The following NKAIN2 variants were observed in gnomAD, a reference collection of about 807,000 sequenced individuals.
The protein encoded by NKAIN2 is sodium/potassium-transporting ATPase subunit beta-1-interacting protein 2.
A neutral mutation model predicts 32.6 loss-of-function variants in NKAIN2; 14 were observed. The observed-to-expected ratio is 0.43, with a 90% CI of 0.28 to 0.67. The LOEUF is 0.67. NKAIN2 is among the 30% of genes least tolerant of loss of function. The probability of loss-of-function intolerance (pLI) is 0.17; values close to 1 mark genes in which losing one functional copy is unlikely to be tolerated. For synonymous variants in NKAIN2, 80 were observed against 87.2 expected, an observed-to-expected ratio of 0.92 and a Z score of 0.46; for missense variants, 198 against 258.3, an observed-to-expected ratio of 0.77 and a Z score of 1.60.
rs189406442 is a variant in NKAIN2 at position 124,733,097 on chromosome 6, A to T, written c.475-58242A>T. 2.7e-3 allele frequency among the ~76,000 whole-genome samples: 410 copies of T among 152,118 alleles called. 1 individual carries two copies. The highest frequency in any genetic ancestry group is 4.5e-3 in the Non-Finnish European group (307 of 67,920). ...GACTTTATGATTAAATTTATGCGGT[A>T]TTCTGAACAAACCAAAACTATAGCG... On this transcript the variant is annotated intron_variant, in intron 4 of 6. Transcript: ENST00000368417.
At chr6:124,546,004 G>C (rs1780082357) in intron 3 of NKAIN2, among the ~76,000 whole-genome samples, 1 of 150,990 alleles carries the variant, frequency 6.6e-6, no homozygotes, top group South Asian at 2.1e-4. Context: ...AGCTCTCCTA[G>C]AAAAAAAAAA....
At chr6:123,943,166 C>T (rs978060311) in intron 1 of NKAIN2, among the ~76,000 whole-genome samples, 19 of 151,952 alleles carry the variant, frequency 1.3e-4, no homozygotes, top group Admixed American at 1.3e-4. Flanking sequence ...TAGTTAACAG[C>T]CACTGGGCTT....
chr6:124,472,715 A>C (rs547210592), intron 3 of NKAIN2, among the ~76,000 whole-genome samples: 1 of 60,792 alleles, frequency 1.6e-5, no homozygotes, highest in Admixed American at 1.5e-4. Context: ...GAGAGTAGGC[A>C]GATAAAAAAA....
At chr6:124,070,899 C>T (rs1281716465) in intron 1 of NKAIN2, among the ~76,000 whole-genome samples, 1 of 151,996 alleles carries the variant, frequency 6.6e-6, no homozygotes, top group Non-Finnish European at 1.5e-5. Flanking sequence ...GGCACTGTTA[C>T]AAAAACAGCA....
At chr6:123,990,158 A>C (rs1050962254) in intron 1 of NKAIN2, among the ~76,000 whole-genome samples, 2 of 152,174 alleles carry the variant, frequency 1.3e-5, no homozygotes, top group African/African-American at 4.8e-5. Context: ...TATCATGAGA[A>C]CAGCATGGGG....
intron 4 of NKAIN2, among the ~76,000 whole-genome samples, chr6:124,709,593 T>C (rs1298175397): frequency 6.7e-6 from 1 of 150,170 alleles, no homozygotes; most frequent in Non-Finnish European, 1.5e-5. Flanking sequence ...GAGGAATTTA[T>C]CCATTTCTTC....
intron 1 of NKAIN2, among the ~76,000 whole-genome samples, chr6:123,831,454 CTT>C (rs34291249): frequency 1.4e-5 from 2 of 144,666 alleles, no homozygotes; most frequent in African/African-American, 2.5e-5. Context: ...AGTTTTAACT[CTT>C]TTTTTTTTTT....
intron 3 of NKAIN2, among the ~76,000 whole-genome samples, chr6:124,595,355 C>G (rs533795589): frequency 5.9e-5 from 9 of 152,302 alleles, no homozygotes; most frequent in African/African-American, 2.2e-4. Flanking sequence ...CTCCAGACCC[C>G]TTATCTGGCC....
chr6:124,608,422 G>C (rs1006174182), intron 3 of NKAIN2, among the ~76,000 whole-genome samples: 2 of 152,112 alleles, frequency 1.3e-5, no homozygotes, highest in African/African-American at 4.8e-5. Context: ...TATTTGGAGG[G>C]AGGGAGGTAT....
chr6:124,331,193 G>A (rs780327755), intron 2 of NKAIN2, among the ~76,000 whole-genome samples: 1 of 151,584 alleles, frequency 6.6e-6, no homozygotes, highest in African/African-American at 2.4e-5. Flanking sequence ...TCAATTTAGA[G>A]TTAGGATCTA....
At chr6:124,530,957 G>A (rs1779504328) in intron 3 of NKAIN2, among the ~76,000 whole-genome samples, 1 of 152,146 alleles carries the variant, frequency 6.6e-6, no homozygotes, top group South Asian at 2.1e-4. Flanking sequence ...GTCCACGTTG[G>A]TACAGGCAGA....
At position 123,811,363 on chromosome 6, in the gene NKAIN2, G is replaced by A. The variant is rs1261185751; in HGVS notation, c.54+7109G>A. On this transcript the variant is annotated intron_variant, in intron 1 of 6. Transcript: ENST00000368417. Reference sequence around the variant, plus strand: ...TAGAACAGAATTGGATCCTTCACCTGCCTCTCTTTACTAGCCTAGCCACTC... The same window carrying A: ...TAGAACAGAATTGGATCCTTCACCTACCTCTCTTTACTAGCCTAGCCACTC... 3.9e-5 allele frequency among the ~76,000 whole-genome samples: 5 copies of A among 127,206 alleles called. No homozygotes were observed. In the East Asian group the frequency reaches 1.1e-3, roughly 28 times the overall value. 83.5% of individuals were successfully genotyped at this position (127,206 alleles called of 152,430 possible).
At chr6:124,539,225 A>G (rs1001569966) in intron 3 of NKAIN2, among the ~76,000 whole-genome samples, 1 of 152,092 alleles carries the variant, frequency 6.6e-6, no homozygotes, top group African/African-American at 2.4e-5. Flanking sequence ...GTAGTTCACT[A>G]CTACTCTTGT....
Position 124,759,588 on chromosome 6 carries a change from A to AACAC in NKAIN2, c.475-31686_475-31683dup, listed in dbSNP as rs542448143. Reference sequence around the variant, plus strand: ...CCCTAGCCACCCTGTCTGAAATTGCAACACACACACACACACACACACACA... The same window carrying AACAC: ...CCCTAGCCACCCTGTCTGAAATTGCAACACACACACACACACACACACACACACA... On this transcript the variant is annotated intron_variant, in intron 4 of 6. Coordinates refer to ENST00000368417, the MANE Select transcript of NKAIN2 (RefSeq NM_001040214.3). Among the ~76,000 whole-genome samples the AACAC allele has an allele frequency of 2.2e-3, 189 of 84,526 alleles. 1 individual carries two copies. Among genetic ancestry groups the AACAC allele is most frequent in the African/African-American group, 7.7e-3 (145 of 18,934 alleles). 55.5% of individuals were successfully genotyped at this position (84,526 alleles called of 152,430 possible). A position where few individuals can be genotyped will look rare whatever the true frequency, so the allele number is the denominator to read the frequency against.
chr6:124,240,460 C>T (rs1012791307), intron 1 of NKAIN2, among the ~76,000 whole-genome samples: 3 of 152,078 alleles, frequency 2.0e-5, no homozygotes, highest in African/African-American at 7.2e-5. Flanking sequence ...AATTTCAAGC[C>T]AATATCCCTG....
intron 1 of NKAIN2, among the ~76,000 whole-genome samples, chr6:123,952,217 A>G (rs766692152): frequency 2.0e-5 from 3 of 152,002 alleles, no homozygotes; most frequent in Non-Finnish European, 4.4e-5. Context: ...TGAATATATC[A>G]TCTCATTCTC....
At chr6:124,334,277 A>C (rs949761560) in intron 2 of NKAIN2, among the ~76,000 whole-genome samples, 1 of 152,198 alleles carries the variant, frequency 6.6e-6, no homozygotes, top group Non-Finnish European at 1.5e-5. Flanking sequence ...TGTATAATAT[A>C]ATGTATACAT....
intron 1 of NKAIN2, among the ~76,000 whole-genome samples, chr6:124,052,865 T>C (rs1451465311): frequency 1.3e-5 from 2 of 151,942 alleles, no homozygotes; most frequent in Non-Finnish European, 2.9e-5. Flanking sequence ...TTTTGGTTAA[T>C]CTCTACTCCA....
rs187693646 is a variant in NKAIN2 at position 124,260,318 on chromosome 6, G to T, written c.55-22687G>T. Among the ~76,000 whole-genome samples, 313 of 152,228 alleles carry T rather than the reference G, an allele frequency of 2.1e-3. 2 individuals are homozygous for T. The highest frequency in any genetic ancestry group is 7.0e-3 in the African/African-American group (290 of 41,546). ...AAGTAGCATGCATAGTGTGTTAGAG[G>T]GTGTTAAATGCAAACGAGAAATAAT... On this transcript the variant is annotated intron_variant, in intron 1 of 6. Coordinates refer to ENST00000368417, the MANE Select transcript of NKAIN2 (RefSeq NM_001040214.3).
Sources: gnomAD v4.1 joint callset for allele counts (sites outside exome capture counted in the v4.1 genomes callset) on GRCh38, gnomAD v4.1.1 for gene constraint, MANE v1.5 for transcripts, NCBI Gene and HGNC (gene_info 2026-07-23, HGNC 2026-07-21) for gene names.